GPC6: variants seen among roughly 807,000 people sequenced by gnomAD.
GPC6 encodes glypican-6.
Under a neutral mutation model 55.2 loss-of-function variants are expected in GPC6, and 14 were observed. The ratio of observed to expected loss-of-function variants is 0.25; its 90% CI spans 0.17 to 0.40. The LOEUF is 0.40. Among genes scored for constraint, GPC6 ranks in the 10% least tolerant of loss-of-function variants. The pLI is 1.00. For missense variants in GPC6, 641 were observed against 708.5 expected (o/e 0.90, Z 1.08); for synonymous variants, 278 against 259.6 (o/e 1.07, Z -0.68).
intron 1 of GPC6, among the ~76,000 whole-genome samples, chr13:93,375,424 T>A (rs538676456): frequency 2.0e-5 from 3 of 152,182 alleles, no homozygotes; most frequent in Non-Finnish European, 1.5e-5. Flanking sequence ...TCAGACGGCG[T>A]GGAGTGGCTA....
At chr13:93,653,829 C>T (rs1054590525) in intron 2 of GPC6, among the ~76,000 whole-genome samples, 8 of 152,046 alleles carry the variant, frequency 5.3e-5, no homozygotes, top group African/African-American at 1.7e-4. Flanking sequence ...GTTTTAGTTA[C>T]TTATAATTTT....
At chr13:94,344,125 A>T (rs542898745) in intron 6 of GPC6, among the ~76,000 whole-genome samples, 1 of 152,354 alleles carries the variant, frequency 6.6e-6, no homozygotes, top group East Asian at 1.9e-4. Context: ...GTGTTCTCAC[A>T]ACCAATAATT....
intron 6 of GPC6, among the ~76,000 whole-genome samples, chr13:94,333,099 T>G (rs1877509550): frequency 6.6e-6 from 1 of 152,206 alleles, no homozygotes; most frequent in Non-Finnish European, 1.5e-5. Context: ...TCGGTATACA[T>G]TACCCTCTTA....
intron 1 of GPC6, among the ~76,000 whole-genome samples, chr13:93,438,457 G>C (rs1877655868): frequency 6.6e-6 from 1 of 152,146 alleles, no homozygotes; most frequent in Non-Finnish European, 1.5e-5. Flanking sequence ...ATTAACAGGA[G>C]TTTGGAAGAA....
intron 1 of GPC6, among the ~76,000 whole-genome samples, chr13:93,490,848 C>T (rs1284514585): frequency 1.1e-5 from 1 of 91,218 alleles, no homozygotes. Flanking sequence ...AGGACATGAA[C>T]TCATCATTTT....
intron 4 of GPC6, among the ~76,000 whole-genome samples, chr13:94,200,386 G>A (rs1050407824): frequency 1.1e-4 from 16 of 152,170 alleles, no homozygotes; most frequent in African/African-American, 3.9e-4. Flanking sequence ...ATGTAACAAA[G>A]AATTATTTTC....
intron 3 of GPC6, among the ~76,000 whole-genome samples, chr13:93,973,607 A>G (rs1175574891): frequency 6.6e-6 from 1 of 152,188 alleles, no homozygotes; most frequent in Non-Finnish European, 1.5e-5. Flanking sequence ...TAGCCATCAT[A>G]GAATAAAATG....
intron 4 of GPC6, among the ~76,000 whole-genome samples, chr13:94,033,726 A>G (rs1366052994): frequency 2.6e-5 from 4 of 152,198 alleles, no homozygotes; most frequent in Admixed American, 2.6e-4. Context: ...ACTGGCTGAT[A>G]TTCCTGAAAT....
At chr13:93,691,110 C>T (rs1882241175) in intron 2 of GPC6, among the ~76,000 whole-genome samples, 1 of 152,114 alleles carries the variant, frequency 6.6e-6, no homozygotes, top group Admixed American at 6.6e-5. Flanking sequence ...ATAAAGAGAA[C>T]ACAGTAAGAT....
intron 2 of GPC6, among the ~76,000 whole-genome samples, chr13:93,704,198 A>G (rs1205104997): frequency 1.3e-5 from 2 of 151,840 alleles, no homozygotes; most frequent in Admixed American, 6.6e-5. Flanking sequence ...GGGCACATAT[A>G]TGGAAGGGAA....
chr13:93,935,100 C>T (rs1878366857), intron 3 of GPC6, among the ~76,000 whole-genome samples: 1 of 151,998 alleles, frequency 6.6e-6, no homozygotes, highest in Non-Finnish European at 1.5e-5. Flanking sequence ...CACTTGTGTA[C>T]ATGTGTTGTT....
At chr13:93,511,485 T>G (rs1880971168) in intron 1 of GPC6, among the ~76,000 whole-genome samples, 1 of 151,984 alleles carries the variant, frequency 6.6e-6, no homozygotes, top group African/African-American at 2.4e-5. Flanking sequence ...TAGTTGGCTC[T>G]AAATATGTGG....
At chr13:93,248,544 C>T (rs1876680096) in intron 1 of GPC6, among the ~76,000 whole-genome samples, 1 of 151,964 alleles carries the variant, frequency 6.6e-6, no homozygotes, top group Admixed American at 6.6e-5. Flanking sequence ...ACGACACTTC[C>T]TACAGCTATC....
intron 1 of GPC6, among the ~76,000 whole-genome samples, chr13:93,485,230 G>A (rs1382781549): frequency 6.6e-6 from 1 of 152,142 alleles, no homozygotes; most frequent in African/African-American, 2.4e-5. Context: ...GCACAAAGGG[G>A]AGTCCCACAG....
At chr13:94,241,417 A>G (rs9524384) in intron 4 of GPC6, among the ~76,000 whole-genome samples, 33,955 of 152,068 alleles carry the variant, frequency 0.22, 4,043 homozygotes, top group East Asian at 0.42. Flanking sequence ...GTCTTAAGGA[A>G]GTCCTGCCTC....
At chr13:94,132,197 G>A (rs896033666) in intron 4 of GPC6, among the ~76,000 whole-genome samples, 1 of 152,130 alleles carries the variant, frequency 6.6e-6, no homozygotes, top group Non-Finnish European at 1.5e-5. Flanking sequence ...AGAATTGATG[G>A]CACTAATAAC....
rs77362843 is a variant in GPC6, at chr13:93,559,149, A to G, written c.319+13728A>G. On this transcript the variant is annotated intron_variant, in intron 2 of 8. Transcript: ENST00000377047. ...TATCACAAAAATGGGTAGGTGCTTC[A>G]TCTGATTATGAAAATGAACATTAAG... is the stretch of plus-strand genomic sequence containing the variant. 1.1e-3 allele frequency among the ~76,000 whole-genome samples: 169 copies of G among 152,288 alleles called. 1 individual carries two copies. The highest frequency in any genetic ancestry group is 2.1e-3 in the Non-Finnish European group (143 of 68,020).
At chr13:93,391,451 A>G (rs1875628804) in intron 1 of GPC6, among the ~76,000 whole-genome samples, 1 of 152,188 alleles carries the variant, frequency 6.6e-6, no homozygotes. Context: ...TTTCTCAAGT[A>G]TGATTTGACT....
At chr13:93,725,423 T>G (rs1883599388) in intron 2 of GPC6, among the ~76,000 whole-genome samples, 1 of 152,032 alleles carries the variant, frequency 6.6e-6, no homozygotes, top group African/African-American at 2.4e-5. Context: ...AAAGCAGAAT[T>G]AGAGGGAGAA....
Sources: allele counts gnomAD v4.1 joint callset (sites outside exome capture counted in the v4.1 genomes callset), GRCh38; gene constraint gnomAD v4.1.1; transcripts MANE v1.5; gene names NCBI Gene and HGNC (gene_info 2026-07-23, HGNC 2026-07-21).